RBFOX1: variants seen among roughly 807,000 people sequenced by gnomAD.
RBFOX1 encodes the protein RNA binding protein fox-1 homolog 1.
Under a neutral mutation model 57.7 loss-of-function variants are expected in RBFOX1, and 8 were observed. The observed-to-expected ratio is 0.14, with a 90% CI of 0.08 to 0.25. RBFOX1 has a LOEUF of 0.25. Among genes scored for constraint, RBFOX1 ranks in the 10% least tolerant of loss-of-function variants. RBFOX1 has a pLI of 1.00. For missense variants in RBFOX1, 611 were observed against 548.5 expected (o/e 1.11, Z -1.14); for synonymous variants, 326 against 222.4 (o/e 1.47, Z -4.15).
At chr16:6,797,794 G>A (rs1195865101) in intron 3 of RBFOX1, among the ~76,000 whole-genome samples, 1 of 152,110 alleles carries the variant, frequency 6.6e-6, no homozygotes, top group Admixed American at 6.6e-5. Flanking sequence ...ATATCATTTG[G>A]TAAGAAGTAA....
intron 2 of RBFOX1, among the ~76,000 whole-genome samples, chr16:6,546,683 A>G (rs185570273): frequency 6.6e-6 from 1 of 152,254 alleles, no homozygotes; most frequent in African/African-American, 2.4e-5. Context: ...CTTTCTGTAG[A>G]TTCTTTTTGC....
intron 3 of RBFOX1, among the ~76,000 whole-genome samples, chr16:6,835,101 T>A (rs1235837002): frequency 6.6e-6 from 1 of 151,912 alleles, no homozygotes; most frequent in African/African-American, 2.4e-5. Flanking sequence ...GCCAGGATGT[T>A]AGTGTTAGCC....
chr16:6,373,140 G>C (rs1325684770), intron 2 of RBFOX1, among the ~76,000 whole-genome samples: 2 of 152,070 alleles, frequency 1.3e-5, no homozygotes, highest in African/African-American at 4.8e-5. Context: ...TGTATGGGAG[G>C]ATTGTTGTTT....
At chr16:6,813,100 C>G (rs1316763240) in intron 3 of RBFOX1, among the ~76,000 whole-genome samples, 3 of 150,290 alleles carry the variant, frequency 2.0e-5, no homozygotes, top group Non-Finnish European at 3.0e-5. Flanking sequence ...ATTTTCACTC[C>G]CATTAAAAAA....
chr16:6,987,582 C>G (rs1291426292), intron 3 of RBFOX1, among the ~76,000 whole-genome samples: 1 of 151,912 alleles, frequency 6.6e-6, no homozygotes, highest in Non-Finnish European at 1.5e-5. Flanking sequence ...GGCACAGGTG[C>G]ACAAACTTAC....
At chr16:6,588,567 G>A (rs969736212) in intron 2 of RBFOX1, among the ~76,000 whole-genome samples, 8 of 152,036 alleles carry the variant, frequency 5.3e-5, no homozygotes, top group African/African-American at 1.4e-4. Flanking sequence ...CTGGAGAATC[G>A]CTTGAATCTA....
chr16:7,244,247 CAAAAAAAAA>C (rs60054791), intron 4 of RBFOX1, among the ~76,000 whole-genome samples: 2 of 99,228 alleles, frequency 2.0e-5, no homozygotes, highest in African/African-American at 3.4e-5. Flanking sequence ...CAAAGTATTC[CAAAAAAAAA>C]AAAAAAAAAA....
intron 2 of RBFOX1, among the ~76,000 whole-genome samples, chr16:6,555,442 G>A (rs767854383): frequency 6.6e-5 from 10 of 152,284 alleles, no homozygotes; most frequent in Non-Finnish European, 1.3e-4. Context: ...GCTCACACCT[G>A]TAATCCCAGC....
intron 4 of RBFOX1, among the ~76,000 whole-genome samples, chr16:7,165,974 A>ATAAATACG (rs1555526107): frequency 1.3e-5 from 2 of 150,246 alleles, no homozygotes; most frequent in Non-Finnish European, 3.0e-5. Context: ...ACATACATAC[A>ATAAATACG]TACACCCCAG....
At chr16:5,811,880 T>G (rs2055445244) in intron 3 of RBFOX1, among the ~76,000 whole-genome samples, 3 of 152,210 alleles carry the variant, frequency 2.0e-5, no homozygotes, top group Admixed American at 2.0e-4. Context: ...ACAATTTAGC[T>G]TTAGAACTCC....
chr16:6,965,868 TG>T (rs143061907), intron 3 of RBFOX1, among the ~76,000 whole-genome samples: 18,803 of 152,024 alleles, frequency 0.12, 1,263 homozygotes, highest in South Asian at 0.24. Context: ...AACTGAGGCA[TG>T]GGGGGATTAA....
chr16:7,000,847 C>T (rs2092727234), intron 3 of RBFOX1, among the ~76,000 whole-genome samples: 1 of 152,000 alleles, frequency 6.6e-6, no homozygotes. Flanking sequence ...TGTGATCCGC[C>T]CGCCTCGGCC....
chr16:6,520,718 C>T (rs914609772), intron 2 of RBFOX1, among the ~76,000 whole-genome samples: 1 of 152,076 alleles, frequency 6.6e-6, no homozygotes, highest in Non-Finnish European at 1.5e-5. Context: ...ATCCAGACAC[C>T]CTTAGAACCT....
chr16:6,766,709 A>G (rs1265441697), intron 3 of RBFOX1, among the ~76,000 whole-genome samples: 1 of 151,904 alleles, frequency 6.6e-6, no homozygotes, highest in Non-Finnish European at 1.5e-5. Context: ...ACAACTCTAG[A>G]GCCTCTTCTG....
At chr16:5,907,210 T>A (rs2058481232) in intron 4 of RBFOX1, among the ~76,000 whole-genome samples, 1 of 152,086 alleles carries the variant, frequency 6.6e-6, no homozygotes, top group African/African-American at 2.4e-5. Context: ...AGTCAGTGAT[T>A]TATGTGAGAA....
rs117483392 is a variant in RBFOX1 at position 7,639,247 on chromosome 16, A to T, written c.757+8564A>T. The stretch of plus-strand genomic sequence containing the variant: ...TGTCTTACCCAGGATCTTCTGTCTG[A>T]ACTGTTTCCATTTCTATCCCCACAC... On this transcript the variant is annotated intron_variant, in intron 11 of 15. Transcript: ENST00000550418. Among the ~76,000 whole-genome samples the T allele has an allele frequency of 7.8e-4, 119 of 152,238 alleles. 1 individual carries two copies. In the East Asian group the frequency reaches 0.02, roughly 25 times the overall value.
chr16:6,480,906 T>A (rs2095361915), intron 2 of RBFOX1, among the ~76,000 whole-genome samples: 1 of 152,170 alleles, frequency 6.6e-6, no homozygotes, highest in Non-Finnish European at 1.5e-5. Context: ...TTCCATCATA[T>A]GATATGCCAT....
intron 3 of RBFOX1, among the ~76,000 whole-genome samples, chr16:6,896,501 A>G (rs927551096): frequency 6.6e-6 from 1 of 152,142 alleles, no homozygotes; most frequent in African/African-American, 2.4e-5. Flanking sequence ...GATCCCACTA[A>G]TAAGTGAGAA....
At chr16:6,123,181 C>T (rs905956270) in intron 1 of RBFOX1, among the ~76,000 whole-genome samples, 1 of 152,116 alleles carries the variant, frequency 6.6e-6, no homozygotes, top group Non-Finnish European at 1.5e-5. Flanking sequence ...AAAATAGAAT[C>T]TTGCACAGAT....
Sources: gnomAD v4.1 joint callset for allele counts (sites outside exome capture counted in the v4.1 genomes callset) on GRCh38, gnomAD v4.1.1 for gene constraint, MANE v1.5 for transcripts, NCBI Gene and HGNC (gene_info 2026-07-23, HGNC 2026-07-21) for gene names.